ACTR3C: variants seen among roughly 807,000 people sequenced by gnomAD.
ACTR3C encodes the protein actin related protein 3C.
A neutral mutation model predicts 26.3 loss-of-function variants in ACTR3C; 18 were observed. The observed-to-expected ratio is 0.68, with a 90% CI of 0.47 to 1.01. The LOEUF is 1.01. ACTR3C is among the 50% of genes least tolerant of loss of function. ACTR3C has a pLI of 0.00. For missense variants in ACTR3C, 184 were observed against 250.7 expected, an observed-to-expected ratio of 0.73 and a Z score of 1.80; for synonymous variants, 55 against 94.5, an observed-to-expected ratio of 0.58 and a Z score of 2.42.
intron 1 of ACTR3C, among the ~76,000 whole-genome samples, chr7:150,307,360 C>G (rs113358912): frequency 0.028 from 4,278 of 152,282 alleles, 217 homozygotes; most frequent in African/African-American, 0.098. Flanking sequence ...AGAAGTAAAA[C>G]AGCCAGTTCC....
the ACTR3C span, among the ~76,000 whole-genome samples, chr7:150,200,576 A>G: frequency 6.6e-6 from 1 of 152,230 alleles, no homozygotes; most frequent in African/African-American, 2.4e-5. Flanking sequence ...AGATACCTCC[A>G]TAACCTCACT....
the ACTR3C span, among the ~76,000 whole-genome samples, chr7:149,972,135 G>A: frequency 6.6e-6 from 1 of 152,260 alleles, no homozygotes; most frequent in South Asian, 2.1e-4. Flanking sequence ...GGATCTCCCA[G>A]CTTCACCGGC....
chr7:150,265,421 T>C (rs1416813953), intron 6 of ACTR3C, among the ~76,000 whole-genome samples: 1 of 151,838 alleles, frequency 6.6e-6, no homozygotes. Context: ...AGGTCTGGCA[T>C]GATGGCTTAT....
the ACTR3C span, among the ~76,000 whole-genome samples, chr7:150,036,077 G>A: frequency 1.6e-5 from 1 of 62,272 alleles, no homozygotes; most frequent in Admixed American, 1.4e-4. Flanking sequence ...GTCGCGAGGG[G>A]TGCTCCCCCC....
chr7:150,092,899 C>G, the ACTR3C span, among the ~76,000 whole-genome samples: 2 of 151,584 alleles, frequency 1.3e-5, no homozygotes, highest in East Asian at 3.9e-4. Context: ...GGCTCCAGAA[C>G]CCCCTGTGGA....
chr7:149,899,139 CAAAATT>C, the ACTR3C span, among the ~76,000 whole-genome samples: 116 of 151,682 alleles, frequency 7.6e-4, no homozygotes, highest in Non-Finnish European at 1.3e-3. Flanking sequence ...TGCTAAAACA[CAAAATT>C]AAAATAAGAA....
chr7:150,214,557 CAG>C, the ACTR3C span, among the ~76,000 whole-genome samples: 1 of 151,658 alleles, frequency 6.6e-6, no homozygotes, highest in African/African-American at 2.4e-5. Context: ...TGATGAGCCT[CAG>C]AGACCTGTAA....
chr7:149,993,992 G>T, the ACTR3C span, among the ~76,000 whole-genome samples: 1 of 152,204 alleles, frequency 6.6e-6, no homozygotes, highest in Non-Finnish European at 1.5e-5. Flanking sequence ...ATTAAGAGAG[G>T]AACAGCAATG....
chr7:150,196,775 T>C, the ACTR3C span, among the ~76,000 whole-genome samples: 1 of 152,204 alleles, frequency 6.6e-6, no homozygotes, highest in African/African-American at 2.4e-5. Context: ...CGTTGTTGTT[T>C]ATTTATGTTG....
At chr7:149,933,968 G>A in the ACTR3C span, among the ~76,000 whole-genome samples, 9 of 150,532 alleles carry the variant, frequency 6.0e-5, no homozygotes, top group African/African-American at 1.7e-4. Context: ...AGTTCCACTC[G>A]ACCCTAGCAA....
intron 4 of ACTR3C, among the ~76,000 whole-genome samples, chr7:150,289,041 C>A (rs796311647): frequency 6.6e-5 from 10 of 151,368 alleles, no homozygotes; most frequent in African/African-American, 2.4e-4. Context: ...CACAGCCACA[C>A]CTGTGTGTGA....
the ACTR3C span, among the ~76,000 whole-genome samples, chr7:150,084,549 G>T: frequency 0.089 from 13,533 of 152,230 alleles, 815 homozygotes; most frequent in Middle Eastern, 0.17. Context: ...ATGGCAGGAA[G>T]ATCTATGAGA....
At chr7:150,109,006 G>T in the ACTR3C span, among the ~76,000 whole-genome samples, 1 of 151,960 alleles carries the variant, frequency 6.6e-6, no homozygotes, top group East Asian at 1.9e-4. Flanking sequence ...ACTCAGGATG[G>T]CTGCGTGCTC....
the ACTR3C span, among the ~76,000 whole-genome samples, chr7:150,105,593 C>G: frequency 6.6e-6 from 1 of 152,020 alleles, no homozygotes; most frequent in Non-Finnish European, 1.5e-5. Flanking sequence ...CTCCATGTCA[C>G]CGGTCACTCT....
the ACTR3C span, among the ~76,000 whole-genome samples, chr7:150,117,470 G>C: frequency 1.3e-5 from 2 of 152,246 alleles, no homozygotes; most frequent in South Asian, 4.1e-4. Context: ...CCACAGGGAA[G>C]TTCAGACTGG....
At chr7:149,884,744 AC>A in the ACTR3C span, among the ~76,000 whole-genome samples, 1 of 152,194 alleles carries the variant, frequency 6.6e-6, no homozygotes, top group Middle Eastern at 3.2e-3. Context: ...GCAGACCCAC[AC>A]AGGGCCAGAG....
At chr7:150,235,474 G>A in the ACTR3C span, among the ~76,000 whole-genome samples, 1 of 152,160 alleles carries the variant, frequency 6.6e-6, no homozygotes, top group South Asian at 2.1e-4. Flanking sequence ...CTTTGCTATG[G>A]CTCTTAAGCT....
At chr7:149,899,351 C>CT in the ACTR3C span, among the ~76,000 whole-genome samples, 1 of 141,550 alleles carries the variant, frequency 7.1e-6, no homozygotes, top group Admixed American at 7.5e-5. Flanking sequence ...CTCAAATACT[C>CT]TTGACTCTTG....
the ACTR3C span, among the ~76,000 whole-genome samples, chr7:150,066,463 G>A: frequency 1.3e-5 from 2 of 152,194 alleles, no homozygotes; most frequent in South Asian, 2.1e-4. Flanking sequence ...TATCTTTCTT[G>A]CTATGAAGGA....
Sources: allele counts gnomAD v4.1 joint callset (sites outside exome capture counted in the v4.1 genomes callset), GRCh38; gene constraint gnomAD v4.1.1; transcripts MANE v1.5; gene names NCBI Gene and HGNC (gene_info 2026-07-23, HGNC 2026-07-21).